HERC2: variants seen among roughly 807,000 people sequenced by gnomAD.
The protein encoded by HERC2 is HECT and RLD domain containing E3 ubiquitin protein ligase 2, also known as E3 ubiquitin-protein ligase HERC2.
A neutral mutation model predicts 537.7 loss-of-function variants in HERC2; 102 were observed. The ratio of observed to expected loss-of-function variants is 0.19; its 90% CI spans 0.16 to 0.22. The LOEUF is 0.22. Ranked by LOEUF, HERC2 falls within the 10% of genes least tolerant of loss-of-function variation. The pLI is 1.00. For synonymous variants in HERC2, 2,224 were observed against 2,466.2 expected (o/e 0.90, Z 2.91); for missense variants, 4,236 against 6,198.2 (o/e 0.68, Z 10.63).
At chr15:28,247,717 C>T (rs576517857) in intron 21 of HERC2, among the ~76,000 whole-genome samples, 1 of 152,226 alleles carries the variant, frequency 6.6e-6, no homozygotes, top group South Asian at 2.1e-4. Flanking sequence ...CGTGAGCCAC[C>T]ACACCCAGCC....
chr15:28,261,079 A>T, intron 15 of HERC2, 109 bp from the exon 16 acceptor site: 1 of 740,162 alleles, frequency 1.4e-6, no homozygotes, highest in Non-Finnish European at 2.2e-6. Flanking sequence ...TAACTTCTTG[A>T]GGATAATCTG....
rs568475976 is a variant in HERC2 at position 28,218,744 on chromosome 15, C to A, written c.5846-73G>T. The A allele has an allele frequency of 8.0e-6, 10 of 1,255,350 alleles. No homozygotes were observed. In the African/African-American group the frequency reaches 1.5e-4, roughly 18 times the overall value. The allele number at this position is 1,255,350 out of a possible 1,614,324, so 77.8% of individuals were successfully genotyped here. A position where few individuals can be genotyped will look rare whatever the true frequency, so the allele number is the denominator to read the frequency against. ...GAAGATAGTCCTGCATATAATTCAA[C>A]AGCTTTAATATTACATTCTTGTTTT... On this transcript the variant is annotated intron_variant, in intron 37 of 92. Coordinates refer to ENST00000261609, the MANE Select transcript of HERC2 (RefSeq NM_004667.6).
chr15:28,311,337 C>T (rs1456277626), intron 2 of HERC2, among the ~76,000 whole-genome samples: 1 of 152,260 alleles, frequency 6.6e-6, no homozygotes, highest in Non-Finnish European at 1.5e-5. Context: ...TGGTGGTACG[C>T]ACCTGTAGTC....
intron 2 of HERC2, among the ~76,000 whole-genome samples, chr15:28,306,495 G>T (rs569778840): frequency 6.6e-6 from 1 of 152,144 alleles, no homozygotes; most frequent in Non-Finnish European, 1.5e-5. Context: ...GGGTATTTCC[G>T]CATCAATGTT....
At chr15:28,224,419 T>G (rs1321645690) in intron 35 of HERC2, among the ~76,000 whole-genome samples, 1 of 152,086 alleles carries the variant, frequency 6.6e-6, no homozygotes, top group Non-Finnish European at 1.5e-5. Context: ...ACAGGGTTTC[T>G]CTATGTTGCC....
chr15:28,192,662 C>T (rs1896958454), intron 52 of HERC2, among the ~76,000 whole-genome samples: 1 of 152,072 alleles, frequency 6.6e-6, no homozygotes, highest in South Asian at 2.1e-4. Flanking sequence ...AGGTCAGAAC[C>T]GCAGGAAGAC....
intron 86 of HERC2, among the ~76,000 whole-genome samples, chr15:28,120,400 A>G (rs1888751458): frequency 6.6e-6 from 1 of 152,218 alleles, no homozygotes; most frequent in South Asian, 2.1e-4. Context: ...AAGGTACAGG[A>G]ACAAAGAATT....
intron 12 of HERC2, among the ~76,000 whole-genome samples, 181 bp from the exon 13 acceptor site, chr15:28,266,155 T>C (rs2075561816): frequency 6.6e-6 from 1 of 152,176 alleles, no homozygotes; most frequent in Non-Finnish European, 1.5e-5. Flanking sequence ...CCATGACTTT[T>C]TGTTCAGTTG....
Position 28,217,328 on chromosome 15 carries a change from C to T in HERC2, c.6028+1161G>A, listed in dbSNP as rs776877929. Reference sequence around the variant, plus strand: ...AGTCACCTGCCCACTTACATGCTCTCATGGACACACACCCACACAACCACA... The same window carrying T: ...AGTCACCTGCCCACTTACATGCTCTTATGGACACACACCCACACAACCACA... On this transcript the variant is annotated intron_variant, in intron 38 of 92. Transcript: ENST00000261609. Among the ~76,000 whole-genome samples the T allele has an allele frequency of 5.8e-4, 88 of 152,164 alleles. 1 individual carries two copies. Among genetic ancestry groups the T allele is most frequent in the Non-Finnish European group, 9.4e-4 (64 of 68,034 alleles).
At chr15:28,316,701 T>A (rs1480073301) in intron 2 of HERC2, among the ~76,000 whole-genome samples, 1 of 152,234 alleles carries the variant, frequency 6.6e-6, no homozygotes, top group Non-Finnish European at 1.5e-5. Context: ...ATGTCATCTA[T>A]CAACTGGATT....
chr15:28,230,792 T>C (rs534631576), intron 30 of HERC2, among the ~76,000 whole-genome samples: 1 of 151,958 alleles, frequency 6.6e-6, no homozygotes, highest in African/African-American at 2.4e-5. Context: ...GGCCATGCAG[T>C]CTGTCGCAAA....
intron 50 of HERC2, among the ~76,000 whole-genome samples, chr15:28,197,267 T>C (rs1897433416): frequency 6.6e-6 from 1 of 152,198 alleles, no homozygotes; most frequent in African/African-American, 2.4e-5. Context: ...ATCAAGAGTT[T>C]ATAAAACTAT....
intron 83 of HERC2, among the ~76,000 whole-genome samples, chr15:28,125,904 C>T (rs560656973): frequency 2.6e-5 from 4 of 152,258 alleles, no homozygotes; most frequent in East Asian, 3.9e-4. Flanking sequence ...CTCCGCCTCC[C>T]GGGTTCGAGC....
chr15:28,212,083 G>C (rs1053260846), intron 43 of HERC2, among the ~76,000 whole-genome samples: 3 of 152,164 alleles, frequency 2.0e-5, no homozygotes. Context: ...CCCTGGATCC[G>C]GCAGAGAACA....
intron 69 of HERC2, among the ~76,000 whole-genome samples, chr15:28,158,878 T>C (rs1337567740): frequency 6.6e-6 from 1 of 152,246 alleles, no homozygotes; most frequent in Non-Finnish European, 1.5e-5. Context: ...TTGGTACCGG[T>C]TGTTCCTTTC....
At chr15:28,134,878 G>A (rs1048775680) in intron 79 of HERC2, among the ~76,000 whole-genome samples, 15 of 151,692 alleles carry the variant, frequency 9.9e-5, no homozygotes, top group Non-Finnish European at 1.6e-4. Context: ...TCATCATATT[G>A]CCCAGGCTAG....
intron 78 of HERC2, among the ~76,000 whole-genome samples, chr15:28,138,234 G>A (rs1162058602): frequency 1.3e-5 from 2 of 152,166 alleles, no homozygotes; most frequent in African/African-American, 4.8e-5. Context: ...AGAAGATCTA[G>A]CCAAGATCAG....
At chr15:28,178,556 G>A (rs528913711) in intron 59 of HERC2, among the ~76,000 whole-genome samples, 148 of 151,764 alleles carry the variant, frequency 9.8e-4, no homozygotes, top group Non-Finnish European at 1.4e-3. Flanking sequence ...GGCCTAGCAC[G>A]GTGCCTCCAA....
intron 70 of HERC2, among the ~76,000 whole-genome samples, chr15:28,150,175 G>A (rs538722836): frequency 2.0e-5 from 3 of 148,054 alleles, no homozygotes; most frequent in South Asian, 4.4e-4. Flanking sequence ...GTGAAATCAC[G>A]AAAAAAACGC....
Sources: allele counts gnomAD v4.1 joint callset (sites outside exome capture counted in the v4.1 genomes callset), GRCh38; gene constraint gnomAD v4.1.1; transcripts MANE v1.5; gene names NCBI Gene and HGNC (gene_info 2026-07-23, HGNC 2026-07-21).